Variants in PCDHA6 observed in about 807,000 individuals in gnomAD.
PCDHA6 encodes the protein protocadherin alpha 6, also known as protocadherin alpha-6.
In PCDHA6, 55 loss-of-function variants were observed where a neutral mutation model predicts 60.3. That is an observed-to-expected ratio of 0.91 (90% CI 0.73 to 1.14). The LOEUF is 1.14. PCDHA6 is among the 50% of genes most tolerant of loss of function. PCDHA6 has a pLI of 0.00. For missense variants in PCDHA6, 1,327 were observed against 1,256.5 expected (o/e 1.06, Z -0.85); for synonymous variants, 652 against 557.9 (o/e 1.17, Z -2.38).
intron 1 of PCDHA6, among the ~76,000 whole-genome samples, chr5:140,924,901 A>AAAAAAAATAAAT (rs369245222): frequency 1.2e-5 from 1 of 80,456 alleles, no homozygotes; most frequent in Non-Finnish European, 2.7e-5. Flanking sequence ...TCTCAAAAAA[A>AAAAAAAATAAAT]AAAATAAAAT....
chr5:140,930,912 T>C (rs1205979304), intron 1 of PCDHA6, among the ~76,000 whole-genome samples: 3 of 152,196 alleles, frequency 2.0e-5, no homozygotes, highest in Non-Finnish European at 4.4e-5. Flanking sequence ...TTTTCTACTT[T>C]AGATGTGTAT....
rs2150162855 is a variant in PCDHA6, at chr5:140,829,133, C to G, written c.1042C>G (p.Pro348Ala). The change falls in exon 1 of 4, where the codon CCT becomes GCT. Residue 348 changes from proline (P) to alanine (A), a missense_variant. By Grantham distance (27) the Pro-to-Ala change is conservative. Transcript: ENST00000529310. The part of the protein sequence containing the change: ...VRILDKNDNV[P>A]EIALTSLSLP... ...AATTTTGGATAAAAATGATAACGTC[C>G]CTGAGATAGCACTGACTTCCTTATC... 6.2e-7 allele frequency: 1 copy of G among 1,612,836 alleles called. No individual in the cohort carries two copies. Among genetic ancestry groups the G allele is most frequent in the South Asian group, 1.1e-5 (1 of 91,064 alleles).
intron 1 of PCDHA6, among the ~76,000 whole-genome samples, chr5:140,911,457 A>G (rs1225259689): frequency 6.6e-6 from 1 of 152,144 alleles, no homozygotes; most frequent in Non-Finnish European, 1.5e-5. Flanking sequence ...CTCTTTCTCT[A>G]CAGGAGATAA....
At chr5:140,875,820 T>C (rs2055843364) in intron 1 of PCDHA6, 1 of 1,613,978 alleles carries the variant, frequency 6.2e-7, no homozygotes, top group African/African-American at 1.3e-5. Flanking sequence ...CGCTGCAGGT[T>C]TTCCATGTGG....
chr5:140,894,374 A>G (rs1449305462), intron 1 of PCDHA6, among the ~76,000 whole-genome samples: 1 of 151,940 alleles, frequency 6.6e-6, no homozygotes, highest in African/African-American at 2.4e-5. Flanking sequence ...AATGGCTCCA[A>G]TTATATTTGT....
chr5:140,862,867 C>A (rs1562571529), intron 1 of PCDHA6: 4 of 70,810 alleles, frequency 5.6e-5, no homozygotes, highest in Non-Finnish European at 9.2e-5. Context: ...TGTGACGCTG[C>A]CAGGTATTAG....
intron 1 of PCDHA6, chr5:140,841,763 C>G: frequency 6.2e-7 from 1 of 1,613,884 alleles, no homozygotes; most frequent in South Asian, 1.1e-5. Context: ...ATCCAGAATG[C>G]CAGACTCTCG....
At chr5:140,986,135 A>G (rs2097188048) in intron 3 of PCDHA6, among the ~76,000 whole-genome samples, 1 of 152,256 alleles carries the variant, frequency 6.6e-6, no homozygotes, top group Non-Finnish European at 1.5e-5. Flanking sequence ...GAAAGGATCA[A>G]CAAGGGCATC....
intron 1 of PCDHA6, among the ~76,000 whole-genome samples, chr5:140,839,798 G>C (rs1186676408): frequency 6.6e-6 from 1 of 151,960 alleles, no homozygotes; most frequent in Non-Finnish European, 1.5e-5. Context: ...ATTTGGAGGA[G>C]CTCTTAATTG....
chr5:140,943,435 A>G (rs941814689), intron 1 of PCDHA6, among the ~76,000 whole-genome samples: 2 of 152,148 alleles, frequency 1.3e-5, no homozygotes, highest in African/African-American at 4.8e-5. Flanking sequence ...AATATGATAT[A>G]AAGGATAGAA....
chr5:140,955,832 G>A (rs2095230258), intron 1 of PCDHA6, among the ~76,000 whole-genome samples: 1 of 152,132 alleles, frequency 6.6e-6, no homozygotes, highest in South Asian at 2.1e-4. Flanking sequence ...TTGAGCAGTG[G>A]TTTGTCATTC....
intron 1 of PCDHA6, chr5:140,835,322 T>C: frequency 6.2e-7 from 1 of 1,613,282 alleles, no homozygotes; most frequent in Non-Finnish European, 8.5e-7. Context: ...TTGAAGAAAG[T>C]AGAGCACACA....
At chr5:141,000,421 AT>A (rs34755515) in intron 3 of PCDHA6, among the ~76,000 whole-genome samples, 491 of 27,806 alleles carry the variant, frequency 0.018, 4 homozygotes, top group South Asian at 0.021. Flanking sequence ...ATATATATAT[AT>A]TTTTTTTTTT....
rs781892034 is a variant in PCDHA6, at chr5:140,968,314, G to A, written c.2395-10635G>A. ...TTCTGGAGAGGGAGATTCAAGGGCT[G>A]CCAGTCACCTCCTATGTCTCCATTA... On this transcript the variant is annotated intron_variant, in intron 1 of 3. Transcript: ENST00000529310. The A allele has an allele frequency of 2.5e-6, 4 of 1,613,960 alleles. No individual in the cohort carries two copies. The South Asian group carries it at 4.4e-5, about 18-fold the overall frequency.
intron 1 of PCDHA6, among the ~76,000 whole-genome samples, chr5:140,874,252 G>A (rs532178726): frequency 6.6e-6 from 1 of 152,286 alleles, no homozygotes; most frequent in Non-Finnish European, 1.5e-5. Flanking sequence ...TTGGTTTAAA[G>A]ATTTTGACTT....
chr5:140,921,102 T>G (rs1300756897), intron 1 of PCDHA6, among the ~76,000 whole-genome samples: 1 of 152,028 alleles, frequency 6.6e-6, no homozygotes, highest in Non-Finnish European at 1.5e-5. Context: ...TGCCTCAGTC[T>G]CCTAAGTAGC....
chr5:140,849,956 C>G (rs2150460065), intron 1 of PCDHA6: 1 of 1,597,918 alleles, frequency 6.3e-7, no homozygotes, highest in South Asian at 1.1e-5. Context: ...CGCAGGAGAA[C>G]GCCCTGGTGT....
intron 3 of PCDHA6, among the ~76,000 whole-genome samples, chr5:140,997,668 T>TTG (rs35184029): frequency 0.084 from 12,442 of 148,286 alleles, 534 homozygotes; most frequent in Admixed American, 0.1. Flanking sequence ...ATTATACAGC[T>TTG]TGTGTGTGTG....
rs1396431858 is a variant in PCDHA6, at chr5:141,010,083, T to C, written c.*146T>C. The C allele has an allele frequency of 1.9e-6, 3 of 1,612,132 alleles. No homozygotes were observed. The African/African-American group carries it at 4.0e-5, about 22-fold the overall frequency. On this transcript the variant is annotated 3_prime_UTR_variant, in exon 4 of 4. Coordinates refer to ENST00000529310, the MANE Select transcript of PCDHA6 (RefSeq NM_018909.4). Reference sequence around the variant, plus strand: ...CTGCAGAAAGTTCCCTGTGTCTGTCTAGAACGCATTTAACAGGTTTTGTCG... The same window carrying C: ...CTGCAGAAAGTTCCCTGTGTCTGTCCAGAACGCATTTAACAGGTTTTGTCG...
Sources: gnomAD v4.1 joint callset for allele counts (sites outside exome capture counted in the v4.1 genomes callset) on GRCh38, gnomAD v4.1.1 for gene constraint, MANE v1.5 for transcripts, NCBI Gene and HGNC (gene_info 2026-07-23, HGNC 2026-07-21) for gene names.